The following ADAMTS12 variants were observed in gnomAD, a reference collection of about 807,000 sequenced individuals.
ADAMTS12 encodes ADAM metallopeptidase with thrombospondin type 1 motif 12, also known as A disintegrin and metalloproteinase with thrombospondin motifs 12.
Under a neutral mutation model 167.8 loss-of-function variants are expected in ADAMTS12, and 118 were observed. The ratio of observed to expected loss-of-function variants is 0.70; its 90% CI spans 0.61 to 0.82. The LOEUF is 0.82. Among genes scored for constraint, ADAMTS12 ranks in the 40% least tolerant of loss-of-function variants. The probability of loss-of-function intolerance (pLI) is 0.00; values close to 1 mark genes in which losing one functional copy is unlikely to be tolerated. For synonymous variants in ADAMTS12, 704 were observed against 716.9 expected (o/e 0.98, Z 0.29); for missense variants, 1,916 against 1,998.8 (o/e 0.96, Z 0.79).
intron 2 of ADAMTS12, among the ~76,000 whole-genome samples, chr5:33,764,499 T>C (rs1265622846): frequency 1.3e-5 from 2 of 152,210 alleles, no homozygotes; most frequent in Admixed American, 1.3e-4. Flanking sequence ...AGCTTGTCAA[T>C]ATTCCTCTTG....
intron 19 of ADAMTS12, among the ~76,000 whole-genome samples, chr5:33,563,880 G>A (rs1006818990): frequency 1.3e-5 from 2 of 152,186 alleles, no homozygotes; most frequent in African/African-American, 4.8e-5. Context: ...AGTCATATAA[G>A]TTGGGCATTA....
intron 23 of ADAMTS12, among the ~76,000 whole-genome samples, chr5:33,532,644 AT>A (rs143363127): frequency 2.0e-4 from 30 of 151,446 alleles, no homozygotes; most frequent in Non-Finnish European, 2.8e-4. Flanking sequence ...AATTTTGTTG[AT>A]TTTTTTTTCC....
intron 2 of ADAMTS12, among the ~76,000 whole-genome samples, chr5:33,779,946 T>C (rs1331093443): frequency 6.6e-6 from 1 of 152,196 alleles, no homozygotes; most frequent in African/African-American, 2.4e-5. Flanking sequence ...TAATATTGTA[T>C]TGTGCATTTG....
chr5:33,641,881 T>C lies in ADAMTS12; in HGVS notation c.1647A>G (p.Ser549=). 6.2e-7 allele frequency: 1 copy of C among 1,613,590 alleles called. No homozygotes were observed. Among genetic ancestry groups the C allele is most frequent in the South Asian group, 1.1e-5 (1 of 91,038 alleles). ...ESIPGGWGRW[S]PWSHCSRTCG... ...AGGTCCTGGAACAGTGGGACCAGGG[T>C]GACCAGCGGCCCCAGCCTCCAGGAA... The change falls in exon 11 of 24, where the codon TCA becomes TCG. Residue 549 remains serine (S), a synonymous_variant. Transcript: ENST00000504830.
At chr5:33,821,910 A>C (rs1367881460) in intron 2 of ADAMTS12, among the ~76,000 whole-genome samples, 4 of 152,202 alleles carry the variant, frequency 2.6e-5, no homozygotes, top group African/African-American at 9.6e-5. Flanking sequence ...TTTAGAACTG[A>C]TGAATTTTAG....
intron 21 of ADAMTS12, among the ~76,000 whole-genome samples, chr5:33,548,647 T>C (rs1210980340): frequency 6.6e-6 from 1 of 151,996 alleles, no homozygotes; most frequent in African/African-American, 2.4e-5. Context: ...TAACCTTGTT[T>C]TCATGTGCCA....
At chr5:33,657,120 A>G (rs1741088687) in intron 7 of ADAMTS12, among the ~76,000 whole-genome samples, 1 of 152,204 alleles carries the variant, frequency 6.6e-6, no homozygotes, top group African/African-American at 2.4e-5. Flanking sequence ...CAGAACAACA[A>G]TTCTGTTTCT....
At chr5:33,665,397 A>T (rs530986495) in intron 5 of ADAMTS12, among the ~76,000 whole-genome samples, 3 of 152,332 alleles carry the variant, frequency 2.0e-5, no homozygotes, top group African/African-American at 7.2e-5. Context: ...AAGTAGTCTC[A>T]TTACAAAAAA....
intron 10 of ADAMTS12, among the ~76,000 whole-genome samples, chr5:33,642,987 GC>G (rs1192087735): frequency 7.5e-6 from 1 of 132,632 alleles, no homozygotes; most frequent in Non-Finnish European, 1.7e-5. Flanking sequence ...ATGATAAGTG[GC>G]CTAAATCCTG....
intron 2 of ADAMTS12, among the ~76,000 whole-genome samples, chr5:33,764,611 A>G (rs931633283): frequency 2.0e-5 from 3 of 152,188 alleles, no homozygotes; most frequent in African/African-American, 7.2e-5. Flanking sequence ...CTTCATAAGA[A>G]TTAAATTCGT....
At chr5:33,616,145 C>T (rs994580491) in intron 14 of ADAMTS12, 73 bp from the exon 15 acceptor site, 1 of 1,555,652 alleles carries the variant, frequency 6.4e-7, no homozygotes, top group Non-Finnish European at 8.7e-7. Context: ...TTGTGACCCA[C>T]TGTTAATCCT....
chr5:33,751,052 T>C, intron 3 of ADAMTS12: 1 of 350,806 alleles, frequency 2.9e-6, no homozygotes, highest in Non-Finnish European at 5.1e-6. Context: ...AATCATTACG[T>C]CTTTATTTTA....
intron 14 of ADAMTS12, among the ~76,000 whole-genome samples, chr5:33,620,615 A>G (rs1427483659): frequency 1.3e-5 from 2 of 152,222 alleles, no homozygotes; most frequent in East Asian, 1.9e-4. Context: ...TCAACTGCAA[A>G]TGGTGCCATG....
At chr5:33,776,768 A>G (rs752987419) in intron 2 of ADAMTS12, among the ~76,000 whole-genome samples, 1 of 152,076 alleles carries the variant, frequency 6.6e-6, no homozygotes. Context: ...GAAGATAAAT[A>G]AAATTGACAA....
At chr5:33,627,529 A>G (rs571856141) in intron 13 of ADAMTS12, among the ~76,000 whole-genome samples, 1 of 151,938 alleles carries the variant, frequency 6.6e-6, no homozygotes, top group Admixed American at 6.6e-5. Context: ...GTGGTGGTAT[A>G]GTGAGTAATT....
Position 33,641,800 on chromosome 5 carries a change from C to G in ADAMTS12, c.1718+10G>C. 1 of 1,597,492 alleles carries G rather than the reference C, an allele frequency of 6.3e-7. No individual in the cohort carries two copies. Among genetic ancestry groups the G allele is most frequent in the Non-Finnish European group, 8.6e-7 (1 of 1,169,034 alleles). On this transcript the variant is annotated intron_variant, in intron 11 of 23. Coordinates refer to ENST00000504830, the MANE Select transcript of ADAMTS12 (RefSeq NM_030955.4). ...GTGGAGAGAAGGGAAATATATTTAT[C>G]TGGACTCACTCGGGGTTGTTGCAGA... is the stretch of plus-strand genomic sequence containing the variant.
chr5:33,537,007 A>T (rs545993695), intron 22 of ADAMTS12, among the ~76,000 whole-genome samples: 1 of 152,356 alleles, frequency 6.6e-6, no homozygotes, highest in East Asian at 1.9e-4. Context: ...GCCTGCCAGG[A>T]GTAAGCATGG....
In ADAMTS12 at chr5:33,576,177, T is replaced by G. The variant is rs958239595; in HGVS notation, c.3849A>C (p.Pro1283=). 4 of 1,614,244 alleles carry G rather than the reference T, an allele frequency of 2.5e-6. No individual in the cohort carries two copies. The East Asian group carries it at 8.9e-5, about 36-fold the overall frequency. The change falls in exon 19 of 24, where the codon CCA becomes CCC. Residue 1283 remains proline, a synonymous_variant. Coordinates refer to ENST00000504830, the MANE Select transcript of ADAMTS12 (RefSeq NM_030955.4). The part of the protein sequence containing the change: ...NNMNQTKSSE[P]VLTEEDATSL... ...TTGTTGCATCCTCCTCAGTCAGGACTGGTTCAGAACTTTTTGTTTGGTTCA... is the reference window on the plus strand; with the variant it reads ...TTGTTGCATCCTCCTCAGTCAGGACGGGTTCAGAACTTTTTGTTTGGTTCA...
intron 2 of ADAMTS12, among the ~76,000 whole-genome samples, chr5:33,826,363 AT>A (rs982031383): frequency 3.9e-5 from 6 of 151,980 alleles, no homozygotes; most frequent in African/African-American, 1.5e-4. Flanking sequence ...ATTAAAAAAA[AT>A]GTTAATAAAA....
Sources: gnomAD v4.1 joint callset for allele counts (sites outside exome capture counted in the v4.1 genomes callset) on GRCh38, gnomAD v4.1.1 for gene constraint, MANE v1.5 for transcripts, NCBI Gene and HGNC (gene_info 2026-07-23, HGNC 2026-07-21) for gene names.